Variants in MYOM2 observed in about 807,000 individuals in gnomAD.
MYOM2 encodes myomesin 2.
MYOM2 carries 254 observed loss-of-function variants against 187.6 expected under a neutral mutation model. The observed-to-expected ratio is 1.35, with a 90% confidence interval of 1.22 to 1.50. The LOEUF (loss-of-function observed/expected upper bound fraction) is 1.50. MYOM2 is among the 40% of genes most tolerant of loss of function. The pLI is 0.00. For synonymous variants in MYOM2, 981 were observed against 753.8 expected (o/e 1.30, Z -4.94); for missense variants, 2,796 against 1,924.0 (o/e 1.45, Z -8.48).
chr8:2,131,517 G>A (rs183703758), intron 32 of MYOM2, among the ~76,000 whole-genome samples: 1 of 151,856 alleles, frequency 6.6e-6, no homozygotes, highest in South Asian at 2.1e-4. Context: ...TCAGAAGAAA[G>A]CATCCCTAGA....
chr8:2,109,683 T>C (rs754731082), intron 25 of MYOM2, 152 bp downstream of exon 25: 2 of 826,906 alleles, frequency 2.4e-6, no homozygotes, highest in Non-Finnish European at 3.6e-6. Flanking sequence ...TGAATGGAGA[T>C]GGTTGATTCT....
chr8:2,056,973 G>A (rs980290120), intron 3 of MYOM2, among the ~76,000 whole-genome samples: 2 of 152,318 alleles, frequency 1.3e-5, no homozygotes, highest in South Asian at 2.1e-4. Flanking sequence ...TTAAGTTCCC[G>A]ACTCTCTGAG....
chr8:2,073,243 C>G (rs1819296691), intron 9 of MYOM2, 96 bp from the exon 10 acceptor site: 2 of 1,375,830 alleles, frequency 1.5e-6, no homozygotes, highest in Non-Finnish European at 2.0e-6. Flanking sequence ...GCTCGACTGT[C>G]CTGTCCCGCT....
intron 35 of MYOM2, 133 bp downstream of exon 35, chr8:2,142,530 C>A: frequency 1.2e-6 from 1 of 851,308 alleles, no homozygotes; most frequent in Non-Finnish European, 2.0e-6. Flanking sequence ...ACAACGCCAC[C>A]AACACCACAC....
At chr8:2,061,561 GCCCGGTGGTGCCCCTC>G (rs1407458250) in intron 6 of MYOM2, among the ~76,000 whole-genome samples, 1 of 152,074 alleles carries the variant, frequency 6.6e-6, no homozygotes, top group Non-Finnish European at 1.5e-5. Context: ...CATGGCTTCT[GCCCGGTGGTGCCCCTC>G]CCCGAGTCAG....
intron 32 of MYOM2, among the ~76,000 whole-genome samples, chr8:2,138,690 T>C (rs893873): frequency 6.6e-6 from 1 of 152,172 alleles, no homozygotes; most frequent in Non-Finnish European, 1.5e-5. Context: ...CTGATTATTG[T>C]AGACAAATGT....
chr8:2,128,324 C>G (rs1025611924), intron 31 of MYOM2, among the ~76,000 whole-genome samples: 1 of 152,084 alleles, frequency 6.6e-6, no homozygotes, highest in Admixed American at 6.5e-5. Flanking sequence ...TGAAAAATTA[C>G]TATTTAAAAT....
At position 2,133,577 on chromosome 8, in the gene MYOM2, C is replaced by T. The variant is rs533571381; in HGVS notation, c.3800+4345C>T. ...CTGGGTTCAAGTGATTCTCCCACCTCAGCCTCCAGAGTAGCTGGGTTTACA... is the reference window on the plus strand; with the variant it reads ...CTGGGTTCAAGTGATTCTCCCACCTTAGCCTCCAGAGTAGCTGGGTTTACA... On this transcript the variant is annotated intron_variant, in intron 32 of 36. Transcript: ENST00000262113. Among the ~76,000 whole-genome samples, 62 of 152,348 alleles carry T rather than the reference C, an allele frequency of 4.1e-4. No individual in the cohort carries two copies. The East Asian group carries it at 0.011, about 26-fold the overall frequency.
Position 2,106,247 on chromosome 8 carries a change from A to T in MYOM2, c.2740A>T (p.Lys914Ter). The change falls in exon 22 of 37, where the codon AAG becomes TAG. Residue 914 changes from lysine (K) to a stop codon, truncating the protein, a stop_gained. Transcript: ENST00000262113. LOFTEE classifies it high-confidence loss of function. ...TTCATACTCTTCTTATGCAGGCACC[A>T]AGGAAATCAGTGCTGGTGTCGATGA... ...PVLVEARPGT[K>*]EISAGVDEQG... 1 of 1,614,046 alleles carries T rather than the reference A, an allele frequency of 6.2e-7. No individual in the cohort carries two copies. Among genetic ancestry groups the T allele is most frequent in the Non-Finnish European group, 8.5e-7 (1 of 1,179,968 alleles).
At chr8:2,050,238 G>A (rs182412706) in intron 1 of MYOM2, among the ~76,000 whole-genome samples, 31 of 151,876 alleles carry the variant, frequency 2.0e-4, no homozygotes, top group Non-Finnish European at 3.2e-4. Context: ...TCCCACCTCC[G>A]CCTGGCAGTC....
intron 18 of MYOM2, 42 bp downstream of exon 18, chr8:2,096,476 G>T: frequency 6.3e-7 from 1 of 1,587,266 alleles, no homozygotes; most frequent in Non-Finnish European, 8.6e-7. Flanking sequence ...TGCCTGGGTG[G>T]TTCTTTACAT....
At chr8:2,096,162 C>T (rs951249099) in intron 17 of MYOM2, 85 bp from the exon 18 acceptor site, 5 of 1,372,890 alleles carry the variant, frequency 3.6e-6, no homozygotes, top group Middle Eastern at 5.3e-4. Flanking sequence ...CTTCCTCCTC[C>T]CTCTGCCACA....
intron 32 of MYOM2, among the ~76,000 whole-genome samples, chr8:2,137,992 A>T (rs1798141273): frequency 6.6e-6 from 1 of 152,132 alleles, no homozygotes; most frequent in African/African-American, 2.4e-5. Context: ...TGTTCTGTGC[A>T]AGGTTTTTCT....
intron 8 of MYOM2, among the ~76,000 whole-genome samples, chr8:2,071,684 G>T (rs571308348): frequency 6.6e-6 from 1 of 152,186 alleles, no homozygotes; most frequent in Non-Finnish European, 1.5e-5. Flanking sequence ...GCAGTGGCTT[G>T]TCTCCGCTCC....
At chr8:2,059,345 T>G in intron 6 of MYOM2, 100 bp downstream of exon 6, 1 of 962,490 alleles carries the variant, frequency 1.0e-6, no homozygotes, top group Non-Finnish European at 1.6e-6. Context: ...AAATCACACC[T>G]GTCTGTTTGC....
intron 32 of MYOM2, among the ~76,000 whole-genome samples, chr8:2,134,122 C>T (rs919430738): frequency 1.3e-5 from 2 of 151,926 alleles, no homozygotes; most frequent in African/African-American, 4.8e-5. Flanking sequence ...CTGCTACAGA[C>T]CAATTCAGAT....
chr8:2,126,904 T>A (rs898533762), intron 31 of MYOM2, among the ~76,000 whole-genome samples: 2 of 81,204 alleles, frequency 2.5e-5, no homozygotes, highest in African/African-American at 9.7e-5. Flanking sequence ...TGATGGAGGC[T>A]GGGGGAGCAC....
chr8:2,125,661 G>C (rs904102964), intron 31 of MYOM2, among the ~76,000 whole-genome samples: 5 of 121,890 alleles, frequency 4.1e-5, no homozygotes, highest in Non-Finnish European at 6.3e-5. Context: ...AGGCTGTAGT[G>C]CAGTGGGTGA....
At chr8:2,074,722 G>GT (rs1413397772) in intron 10 of MYOM2, among the ~76,000 whole-genome samples, 4 of 152,212 alleles carry the variant, frequency 2.6e-5, no homozygotes, top group African/African-American at 9.6e-5. Context: ...CCTCCCAAGT[G>GT]TTGGGATTAC....
Sources: allele counts gnomAD v4.1 joint callset (sites outside exome capture counted in the v4.1 genomes callset), GRCh38; gene constraint gnomAD v4.1.1; transcripts MANE v1.5; gene names NCBI Gene and HGNC (gene_info 2026-07-23, HGNC 2026-07-21).